SORCS1: variants seen among roughly 807,000 people sequenced by gnomAD.
SORCS1 encodes sortilin related VPS10 domain containing receptor 1, also known as VPS10 domain-containing receptor SorCS1.
Under a neutral mutation model 146.1 loss-of-function variants are expected in SORCS1, and 60 were observed. The observed-to-expected ratio is 0.41, with a 90% CI of 0.33 to 0.51. The LOEUF is 0.51. Ranked by LOEUF, SORCS1 falls within the 20% of genes least tolerant of loss-of-function variation. The pLI, the probability that SORCS1 is intolerant of heterozygous loss-of-function variation, is 0.21. For synonymous variants in SORCS1, 637 were observed against 584.0 expected (o/e 1.09, Z -1.31); for missense variants, 1,352 against 1,487.6 (o/e 0.91, Z 1.50).
At chr10:107,055,681 AC>A (rs1341763832) in intron 1 of SORCS1, among the ~76,000 whole-genome samples, 1 of 152,176 alleles carries the variant, frequency 6.6e-6, no homozygotes, top group African/African-American at 2.4e-5. Flanking sequence ...GGGAGGGGAG[AC>A]CCAACAGAGG....
chr10:106,823,887 T>C (rs748072556), intron 3 of SORCS1, among the ~76,000 whole-genome samples: 1 of 152,168 alleles, frequency 6.6e-6, no homozygotes, highest in African/African-American at 2.4e-5. Context: ...TCCATATCTG[T>C]TAAAGAAAAG....
chr10:107,072,181 C>T (rs565386607), intron 1 of SORCS1, among the ~76,000 whole-genome samples: 2 of 152,212 alleles, frequency 1.3e-5, no homozygotes, highest in Non-Finnish European at 2.9e-5. Context: ...TGACCTCCTC[C>T]TCCAACCCTG....
chr10:107,083,045 C>T (rs71475444), intron 1 of SORCS1, among the ~76,000 whole-genome samples: 1 of 145,560 alleles, frequency 6.9e-6, no homozygotes, highest in Non-Finnish European at 1.5e-5. Flanking sequence ...GGAGGCAGAG[C>T]TTGCAGTGAG....
intron 3 of SORCS1, among the ~76,000 whole-genome samples, chr10:106,828,624 C>T (rs1011992877): frequency 2.6e-5 from 4 of 152,250 alleles, no homozygotes; most frequent in Admixed American, 6.5e-5. Context: ...ATGAATGACA[C>T]GTTTCTATTT....
At chr10:107,010,261 G>T (rs1409511253) in intron 1 of SORCS1, among the ~76,000 whole-genome samples, 6 of 152,112 alleles carry the variant, frequency 3.9e-5, no homozygotes, top group Non-Finnish European at 8.8e-5. Flanking sequence ...TTTCACAAAA[G>T]ATTTCATTTA....
intron 17 of SORCS1, among the ~76,000 whole-genome samples, chr10:106,659,691 A>G (rs1453804221): frequency 6.6e-6 from 1 of 152,144 alleles, no homozygotes; most frequent in Admixed American, 6.5e-5. Context: ...CTCTGGACTA[A>G]GTCTGGTGTT....
At chr10:106,812,222 G>A (rs544445659) in intron 3 of SORCS1, among the ~76,000 whole-genome samples, 3 of 152,144 alleles carry the variant, frequency 2.0e-5, no homozygotes, top group African/African-American at 7.2e-5. Context: ...GGATGGTCTC[G>A]ATCTCCTGAC....
At chr10:106,603,008 T>C (rs1264163763) in intron 23 of SORCS1, among the ~76,000 whole-genome samples, 1 of 152,144 alleles carries the variant, frequency 6.6e-6, no homozygotes, top group Non-Finnish European at 1.5e-5. Context: ...GAAATATATA[T>C]ATTTTTGTGG....
At chr10:106,605,593 T>C (rs1846520640) in intron 23 of SORCS1, among the ~76,000 whole-genome samples, 1 of 152,202 alleles carries the variant, frequency 6.6e-6, no homozygotes, top group African/African-American at 2.4e-5. Context: ...GACAATGTTG[T>C]GATAAGAAAT....
rs140756419 is a variant in SORCS1 at position 106,577,769 on chromosome 10, G to T, written c.3372-214C>A. 41 of 865,160 alleles carry T rather than the reference G, an allele frequency of 4.7e-5. No homozygotes were observed. In the East Asian group the frequency reaches 1.2e-3, roughly 25 times the overall value. 53.6% of individuals were successfully genotyped at this position (865,160 alleles called of 1,614,324 possible). ...TAGAAGCTTTAGGAATGAGTAGACA[G>T]GGTGAATGCTTCTCTGGACTTGAAG... On this transcript the variant is annotated intron_variant, in intron 25 of 25. Coordinates refer to ENST00000263054, the MANE Select transcript of SORCS1 (RefSeq NM_052918.5).
intron 1 of SORCS1, among the ~76,000 whole-genome samples, chr10:107,043,834 A>G (rs1410773023): frequency 6.6e-6 from 1 of 152,238 alleles, no homozygotes; most frequent in Non-Finnish European, 1.5e-5. Flanking sequence ...AGCTCCATAA[A>G]GGAAGATCTG....
intron 1 of SORCS1, among the ~76,000 whole-genome samples, chr10:107,093,610 T>C (rs780904465): frequency 5.9e-5 from 9 of 151,348 alleles, no homozygotes; most frequent in Non-Finnish European, 1.2e-4. Flanking sequence ...GACAAGGAGG[T>C]TGCAGGGGGC....
chr10:106,728,258 C>T (rs112292915), intron 6 of SORCS1, among the ~76,000 whole-genome samples: 2,311 of 152,140 alleles, frequency 0.015, 62 homozygotes, highest in African/African-American at 0.053. Flanking sequence ...TCTCTATCTC[C>T]AGTAAGCAAG....
At chr10:106,963,961 T>C (rs1392612629) in intron 1 of SORCS1, among the ~76,000 whole-genome samples, 2 of 152,184 alleles carry the variant, frequency 1.3e-5, no homozygotes, top group African/African-American at 2.4e-5. Flanking sequence ...GTTTCTATCT[T>C]TCAAGGAGCA....
intron 3 of SORCS1, among the ~76,000 whole-genome samples, chr10:106,805,163 C>T (rs186723710): frequency 1.2e-3 from 182 of 152,254 alleles, no homozygotes; most frequent in African/African-American, 4.3e-3. Flanking sequence ...TAATCACTTG[C>T]TAATGGACAT....
chr10:107,103,427 T>C (rs1965085403), intron 1 of SORCS1, among the ~76,000 whole-genome samples: 1 of 152,228 alleles, frequency 6.6e-6, no homozygotes. Context: ...CCCCAAGCCC[T>C]GTGAAATTCA....
chr10:106,585,318 A>G (rs1845163464), intron 24 of SORCS1, among the ~76,000 whole-genome samples: 1 of 152,158 alleles, frequency 6.6e-6, no homozygotes, highest in Admixed American at 6.5e-5. Context: ...TAACAGTTTG[A>G]GAATACCGCA....
At chr10:106,868,548 A>G (rs533249623) in intron 2 of SORCS1, among the ~76,000 whole-genome samples, 66 of 152,278 alleles carry the variant, frequency 4.3e-4, no homozygotes, top group African/African-American at 1.6e-3. Context: ...ATTGCTCAAA[A>G]CCATGAAATT....
At chr10:106,994,481 C>A (rs1956912518) in intron 1 of SORCS1, among the ~76,000 whole-genome samples, 1 of 152,160 alleles carries the variant, frequency 6.6e-6, no homozygotes, top group Non-Finnish European at 1.5e-5. Flanking sequence ...ACAAATATAG[C>A]AATTGACCCA....
Sources: allele counts gnomAD v4.1 joint callset (sites outside exome capture counted in the v4.1 genomes callset), GRCh38; gene constraint gnomAD v4.1.1; transcripts MANE v1.5; gene names NCBI Gene and HGNC (gene_info 2026-07-23, HGNC 2026-07-21).